LARS2: variants seen among roughly 807,000 people sequenced by gnomAD.
The protein encoded by LARS2 is leucine--tRNA ligase, mitochondrial.
In LARS2, 81 loss-of-function variants were observed where a neutral mutation model predicts 116.6. The ratio of observed to expected loss-of-function variants is 0.69; its 90% confidence interval spans 0.58 to 0.84. The LOEUF (loss-of-function observed/expected upper bound fraction) is 0.84, where lower values mean the gene tolerates loss of function less well. Among genes scored for constraint, LARS2 ranks in the 40% least tolerant of loss-of-function variants. The pLI, the probability that LARS2 is intolerant of heterozygous loss-of-function variation, is 0.00. For missense variants in LARS2, 968 were observed against 1,114.5 expected (o/e 0.87, Z 1.87); for synonymous variants, 396 against 407.2 (o/e 0.97, Z 0.33).
At chr3:45,496,403 AT>A (rs1700011854) in intron 14 of LARS2, 30 bp downstream of exon 14, 1 of 1,520,044 alleles carries the variant, frequency 6.6e-7, no homozygotes. Flanking sequence ...GTCTTTGAGC[AT>A]TTGTCAGTGT....
intron 8 of LARS2, 39 bp downstream of exon 8, chr3:45,458,925 A>G (rs1410392439): frequency 6.8e-6 from 11 of 1,608,306 alleles, no homozygotes; most frequent in Middle Eastern, 1.7e-4. Context: ...AATGCCTTAC[A>G]TGCTGGCAGG....
At chr3:45,485,827 G>A (rs536148594) in intron 11 of LARS2, 31 bp downstream of exon 11, 204 of 1,379,810 alleles carry the variant, frequency 1.5e-4, no homozygotes, top group South Asian at 2.8e-4. Flanking sequence ...AACCACAACG[G>A]TATATTTTGC....
At chr3:45,411,670 C>T (rs1653323226) in intron 4 of LARS2, among the ~76,000 whole-genome samples, 1 of 152,104 alleles carries the variant, frequency 6.6e-6, no homozygotes, top group Admixed American at 6.6e-5. Flanking sequence ...TTTCTATTTT[C>T]TTTCTCTTTT....
chr3:45,522,104 C>T (rs765130117), intron 19 of LARS2, among the ~76,000 whole-genome samples: 1 of 151,720 alleles, frequency 6.6e-6, no homozygotes, highest in Non-Finnish European at 1.5e-5. Flanking sequence ...GACTCTCTCT[C>T]AAAAAAATAA....
chr3:45,393,091 A>G (rs1033990590), intron 2 of LARS2, among the ~76,000 whole-genome samples: 9 of 152,228 alleles, frequency 5.9e-5, no homozygotes, highest in East Asian at 3.8e-4. Context: ...TACCTGTGGA[A>G]GAAGCCAACG....
At chr3:45,463,282 A>G (rs991411158) in intron 8 of LARS2, among the ~76,000 whole-genome samples, 8 of 152,236 alleles carry the variant, frequency 5.3e-5, no homozygotes, top group African/African-American at 1.9e-4. Flanking sequence ...TCTCGGCTGC[A>G]TTGCAGGCTT....
In LARS2 at chr3:45,499,977, T is replaced by TTTTG. The variant is rs548918516; in HGVS notation, c.1623-439_1623-436dup. On this transcript the variant is annotated intron_variant, in intron 14 of 21. Coordinates refer to ENST00000645846, the MANE Select transcript of LARS2 (RefSeq NM_015340.4). ...ATATAAGCTTTTCTCATATATATAT[T>TTTTG]TTTGTTTGTTTGTTTGTTTGTTTGT... 7.6e-3 allele frequency among the ~76,000 whole-genome samples: 1,159 copies of TTTTG among 152,074 alleles called. 48 individuals carry two copies. The highest frequency in any genetic ancestry group is 0.061 in the Admixed American group (931 of 15,278).
chr3:45,530,274 G>A (rs907337762), intron 20 of LARS2, among the ~76,000 whole-genome samples: 6 of 152,142 alleles, frequency 3.9e-5, no homozygotes, highest in African/African-American at 4.8e-5. Flanking sequence ...TGTAATCCCA[G>A]CACTATGGGA....
At chr3:45,431,456 AC>A (rs1698712948) in intron 6 of LARS2, among the ~76,000 whole-genome samples, 1 of 152,264 alleles carries the variant, frequency 6.6e-6, no homozygotes, top group Non-Finnish European at 1.5e-5. Context: ...GTTATAAAAA[AC>A]AACTATTACT....
chr3:45,426,513 G>A (rs1368676869), intron 6 of LARS2, among the ~76,000 whole-genome samples: 1 of 152,198 alleles, frequency 6.6e-6, no homozygotes, highest in Non-Finnish European at 1.5e-5. Flanking sequence ...GGAGGGGAAA[G>A]GCAGTACCTT....
intron 8 of LARS2, among the ~76,000 whole-genome samples, chr3:45,472,593 C>A (rs954941642): frequency 2.6e-5 from 4 of 152,170 alleles, no homozygotes; most frequent in African/African-American, 9.7e-5. Flanking sequence ...AGATGGATCT[C>A]TAATACATGC....
At chr3:45,511,725 A>G (rs1700293330) in intron 15 of LARS2, among the ~76,000 whole-genome samples, 1 of 150,966 alleles carries the variant, frequency 6.6e-6, no homozygotes, top group Non-Finnish European at 1.5e-5. Flanking sequence ...ACCTAAGAAT[A>G]GGATTCCTTG....
At chr3:45,493,379 G>A (rs570898801) in intron 13 of LARS2, among the ~76,000 whole-genome samples, 4 of 152,256 alleles carry the variant, frequency 2.6e-5, no homozygotes, top group South Asian at 2.1e-4. Context: ...GATTACAGGC[G>A]TGTGCCACCA....
intron 6 of LARS2, among the ~76,000 whole-genome samples, chr3:45,441,898 A>G (rs1487113851): frequency 6.6e-6 from 1 of 152,176 alleles, no homozygotes; most frequent in Non-Finnish European, 1.5e-5. Context: ...AATATTTTTA[A>G]TGCTAAAAAC....
chr3:45,502,776 T>G (rs998011784), intron 15 of LARS2, among the ~76,000 whole-genome samples: 1 of 152,104 alleles, frequency 6.6e-6, no homozygotes, highest in African/African-American at 2.4e-5. Context: ...ATTAACCCAT[T>G]CTTTGAGTTT....
At chr3:45,494,416 G>A (rs1177789077) in intron 13 of LARS2, among the ~76,000 whole-genome samples, 1 of 152,198 alleles carries the variant, frequency 6.6e-6, no homozygotes, top group Non-Finnish European at 1.5e-5. Context: ...AGATTTATCA[G>A]TTCCTCTTGG....
intron 6 of LARS2, among the ~76,000 whole-genome samples, chr3:45,436,103 G>A (rs1698796329): frequency 6.6e-6 from 1 of 152,112 alleles, no homozygotes; most frequent in African/African-American, 2.4e-5. Flanking sequence ...ACTACTCATT[G>A]TTTATAGAAT....
At chr3:45,488,110 CA>C (rs1395506789) in intron 11 of LARS2, among the ~76,000 whole-genome samples, 1 of 151,752 alleles carries the variant, frequency 6.6e-6, no homozygotes, top group African/African-American at 2.4e-5. Context: ...AAAAAGCACT[CA>C]AAAATGTATA....
In LARS2 at chr3:45,517,955, A is replaced by T. The variant is rs928408320; in HGVS notation, c.2097A>T (p.Thr699=). Residue 699 remains threonine (T), a synonymous_variant, in exon 18 of 22, where the codon ACA becomes ACT. Transcript: ENST00000645846. ...LRWQQRLWTL[T]TRFIEARASG... ...GGCAACAACGACTGTGGACCTTGAC[A>T]ACTCGGTTTATTGAGGCCAGGGCTT... 6.2e-7 allele frequency: 1 copy of T among 1,614,108 alleles called. No homozygotes were observed. Among genetic ancestry groups the T allele is most frequent in the African/African-American group, 1.3e-5 (1 of 75,048 alleles).
Sources: allele counts gnomAD v4.1 joint callset (sites outside exome capture counted in the v4.1 genomes callset), GRCh38; gene constraint gnomAD v4.1.1; transcripts MANE v1.5; gene names NCBI Gene and HGNC (gene_info 2026-07-23, HGNC 2026-07-21).